CEP78: variants seen among roughly 807,000 people sequenced by gnomAD.
CEP78 encodes centrosomal protein of 78 kDa.
CEP78 carries 76 observed loss-of-function variants against 81.2 expected under a neutral mutation model. That is an observed-to-expected ratio of 0.94 (90% CI 0.78 to 1.13). CEP78 has a LOEUF of 1.13. Ranked by LOEUF, CEP78 falls within the 50% of genes most tolerant of loss-of-function variation. The pLI is 0.00. For missense variants in CEP78, 918 were observed against 846.8 expected (o/e 1.08, Z -1.04); for synonymous variants, 293 against 301.4 (o/e 0.97, Z 0.29).
intron 16 of CEP78, 58 bp from the exon 17 acceptor site, chr9:78,270,783 T>C: frequency 1.5e-6 from 1 of 645,864 alleles, no homozygotes; most frequent in South Asian, 1.8e-5. Context: ...ATTCTGATTA[T>C]AAACTACATG....
intron 8 of CEP78, chr9:78,250,124 A>T: frequency 2.5e-6 from 1 of 394,884 alleles, no homozygotes; most frequent in East Asian, 3.6e-5. Context: ...ATGAGAATAA[A>T]AAACAAAAAT....
chr9:78,266,098 C>T (rs1374312796), intron 15 of CEP78, among the ~76,000 whole-genome samples, 192 bp downstream of exon 15: 2 of 152,094 alleles, frequency 1.3e-5, no homozygotes, highest in East Asian at 3.9e-4. Flanking sequence ...CTGGTCTTGG[C>T]AACTGACGAC....
chr9:78,274,617 A>C lies in CEP78; in HGVS notation c.*3766A>C, dbSNP rs1827764131. The C allele has an allele frequency of 6.6e-6, 1 of 152,208 alleles. No individual in the cohort carries two copies. Among genetic ancestry groups the C allele is most frequent in the South Asian group, 2.1e-4 (1 of 4,832 alleles). 9.4% of individuals were successfully genotyped at this position (152,208 alleles called of 1,614,324 possible). Reference sequence around the variant, plus strand: ...TATTCTCCTGGAAAACCAATAGAACATTCATATAAATGATTCCTATGAAGG... The same window carrying C: ...TATTCTCCTGGAAAACCAATAGAACCTTCATATAAATGATTCCTATGAAGG... On this transcript the variant is annotated 3_prime_UTR_variant, in exon 17 of 17. Transcript: ENST00000643273.
At position 78,272,360 on chromosome 9, in the gene CEP78, A is replaced by G. The variant is rs542482474; in HGVS notation, c.*1509A>G. ...ATGTTTAGATCAAATAAACTGATAA[A>G]GATATTGATAAAGATATGAGACAAA... On this transcript the variant is annotated 3_prime_UTR_variant, in exon 17 of 17. Coordinates refer to ENST00000643273, the MANE Select transcript of CEP78 (RefSeq NM_001330691.3). 1 of 152,350 alleles carries G rather than the reference A, an allele frequency of 6.6e-6. No individual in the cohort carries two copies. Among genetic ancestry groups the G allele is most frequent in the African/African-American group, 2.4e-5 (1 of 41,580 alleles). The allele number at this position is 152,350 out of a possible 1,614,324, so 9.4% of individuals were successfully genotyped here. A position where few individuals can be genotyped will look rare whatever the true frequency, so the allele number is the denominator to read the frequency against.
rs1827713731 is a variant in CEP78, at chr9:78,272,456, A to G, written c.*1605A>G. The G allele has an allele frequency of 6.6e-6, 1 of 152,220 alleles. No homozygotes were observed. Among genetic ancestry groups the G allele is most frequent in the South Asian group, 2.1e-4 (1 of 4,832 alleles). 9.4% of individuals were successfully genotyped at this position (152,220 alleles called of 1,614,324 possible). ...AGGTGCCTGTAGTCAGAAAAAGTCT[A>G]AATAAATACTAATGACATATGAAAA... On this transcript the variant is annotated 3_prime_UTR_variant, in exon 17 of 17. Coordinates refer to ENST00000643273, the MANE Select transcript of CEP78 (RefSeq NM_001330691.3).
chr9:78,263,285 T>A (rs950334238), intron 12 of CEP78, among the ~76,000 whole-genome samples: 1 of 152,168 alleles, frequency 6.6e-6, no homozygotes, highest in Non-Finnish European at 1.5e-5. Flanking sequence ...ATTAGGCTTA[T>A]ACTGTATATA....
Position 78,243,585 on chromosome 9 carries a change from C to G in CEP78, c.727C>G (p.Leu243Val). 6.2e-7 allele frequency: 1 copy of G among 1,613,770 alleles called. No homozygotes were observed. The highest frequency in any genetic ancestry group is 1.6e-4 in the Middle Eastern group (1 of 6,062). Reference sequence around the variant, plus strand: ...GAATTGCAACACACTTATTGGTGACCTAGGTGCATGTGCTTTTGCAGACTC... The same window carrying G: ...GAATTGCAACACACTTATTGGTGACGTAGGTGCATGTGCTTTTGCAGACTC... ...TLNCNTLIGD[L>V]GACAFADSLS... Residue 243 changes from leucine (L) to valine (V), a missense_variant, in exon 5 of 17, where the codon CTA (leucine) becomes GTA (valine). Coordinates refer to ENST00000643273, the MANE Select transcript of CEP78 (RefSeq NM_001330691.3).
At chr9:78,264,746 C>T (rs925091826) in intron 13 of CEP78, among the ~76,000 whole-genome samples, 1 of 150,594 alleles carries the variant, frequency 6.6e-6, no homozygotes, top group African/African-American at 2.4e-5. Flanking sequence ...TGAAAGTATT[C>T]AGGAATGTAT....
In CEP78 at chr9:78,241,651, A is replaced by C. The variant is rs374259731; in HGVS notation, c.500-45A>C. ...AATAAATCAAGACTGACTAGGTTGT[A>C]TATGCTCTTCATCTTATTGTATGTG... is the stretch of plus-strand genomic sequence containing the variant. On this transcript the variant is annotated intron_variant, in intron 3 of 16. Transcript: ENST00000643273. 8.9e-5 allele frequency: 77 copies of C among 861,762 alleles called. No homozygotes were observed. The Admixed American group carries it at 1.7e-3, about 18-fold the overall frequency. 53.4% of individuals were successfully genotyped at this position (861,762 alleles called of 1,614,324 possible).
At chr9:78,250,412 C>T (rs1826700788) in intron 8 of CEP78, 2 of 390,100 alleles carry the variant, frequency 5.1e-6, no homozygotes, top group Admixed American at 8.9e-5. Context: ...TTTCATCTAA[C>T]AAGATAAGTA....
At position 78,240,302 on chromosome 9, in the gene CEP78, A is replaced by C; in HGVS notation, c.437A>C (p.Lys146Thr). 1 of 1,602,434 alleles carries C rather than the reference A, an allele frequency of 6.2e-7. No homozygotes were observed. The highest frequency in any genetic ancestry group is 8.5e-7 in the Non-Finnish European group (1 of 1,173,538). Residue 146 changes from lysine (K) to threonine (T), a missense_variant, in exon 3 of 17, where the codon AAA (lysine) becomes ACA (threonine). Lys to Thr is a moderately conservative substitution (Grantham distance 78, BLOSUM62 -1). Coordinates refer to ENST00000643273, the MANE Select transcript of CEP78 (RefSeq NM_001330691.3). ...TCCCCCTCATTAAAGGGATTGAATAAATCGGCTTCTTTGGTGCACCTGTCT... is the reference window on the plus strand; with the variant it reads ...TCCCCCTCATTAAAGGGATTGAATACATCGGCTTCTTTGGTGCACCTGTCT... ...DLTILAKGLN[K>T]SASLVHLSLA...
In CEP78 at chr9:78,236,134, G is replaced by GGCGGGAGGCAGC. The variant is rs1279171663; in HGVS notation, c.-209_-198dup. The GGCGGGAGGCAGC allele has an allele frequency of 5.5e-6, 3 of 549,446 alleles. No individual in the cohort carries two copies. The highest frequency in any genetic ancestry group is 3.7e-5 in the Admixed American group (1 of 27,236). 34.0% of individuals were successfully genotyped at this position (549,446 alleles called of 1,614,324 possible). ...CGGGCGCCAACTGCTTGGGCCGCAGGGCGGGAGGCAGCGCGGGAGTGGGGC... is the reference window on the plus strand; with the variant it reads ...CGGGCGCCAACTGCTTGGGCCGCAGGGCGGGAGGCAGCGCGGGAGGCAGCGCGGGAGTGGGGC... On this transcript the variant is annotated 5_prime_UTR_variant, in exon 1 of 17. Transcript: ENST00000643273.
rs1244834480 is a variant in CEP78 at position 78,278,060 on chromosome 9, CAT to C, written c.*7212_*7213del. 1 of 152,092 alleles carries C rather than the reference CAT, an allele frequency of 6.6e-6. No individual in the cohort carries two copies. The highest frequency in any genetic ancestry group is 2.4e-5 in the African/African-American group (1 of 41,408). The allele number at this position is 152,092 out of a possible 1,614,324, so 9.4% of individuals were successfully genotyped here. A position where few individuals can be genotyped will look rare whatever the true frequency, so the allele number is the denominator to read the frequency against. On this transcript the variant is annotated 3_prime_UTR_variant, in exon 17 of 17. Transcript: ENST00000643273. ...CCCTAGAAAAGAGTCTGTGATAACA[CAT>C]ATCAAGCTATTGACAGCGGTTTTGT...
At chr9:78,239,763 C>A (rs1051651310) in intron 1 of CEP78, among the ~76,000 whole-genome samples, 2 of 152,168 alleles carry the variant, frequency 1.3e-5, no homozygotes, top group Non-Finnish European at 2.9e-5. Flanking sequence ...CCCACTCTCA[C>A]CCCATGTTGT....
rs755103128 is a variant in CEP78, at chr9:78,243,493, G to A, written c.635G>A (p.Trp212Ter). ...YQTMRRHEET[W>*]AESLRYRRPD... ...ACCATGAGAAGGCATGAAGAAACCT[G>A]GGCTGAGAGTCTTCGCTATAGGAGA... The change falls in exon 5 of 17, where the codon TGG becomes TAG. Residue 212 changes from tryptophan to a stop codon, truncating the protein, a stop_gained. Coordinates refer to ENST00000643273, the MANE Select transcript of CEP78 (RefSeq NM_001330691.3). LOFTEE classifies it high-confidence loss of function. The A allele has an allele frequency of 1.2e-6, 2 of 1,613,374 alleles. No homozygotes were observed. The highest frequency in any genetic ancestry group is 1.7e-6 in the Non-Finnish European group (2 of 1,179,678).
chr9:78,251,713 A>G (rs1435261080), intron 8 of CEP78, among the ~76,000 whole-genome samples, 195 bp from the exon 9 acceptor site: 1 of 151,122 alleles, frequency 6.6e-6, no homozygotes, highest in Non-Finnish European at 1.5e-5. Flanking sequence ...ATATTTAAGT[A>G]TATTAAAAAT....
At chr9:78,253,685 C>G (rs1278393726) in intron 10 of CEP78, 1 of 155,842 alleles carries the variant, frequency 6.4e-6, no homozygotes, top group East Asian at 1.9e-4. Flanking sequence ...GCAACCAGTC[C>G]TAAAGCCTCT....
intron 8 of CEP78, 21 bp from the exon 9 acceptor site, chr9:78,251,887 T>C: frequency 1.9e-6 from 3 of 1,595,302 alleles, no homozygotes; most frequent in Non-Finnish European, 2.6e-6. Context: ...TGATTCTTTC[T>C]TTTTAACACT....
chr9:78,259,597 A>G (rs1419290236), intron 11 of CEP78, among the ~76,000 whole-genome samples: 1 of 152,152 alleles, frequency 6.6e-6, no homozygotes, highest in African/African-American at 2.4e-5. Flanking sequence ...TCGTATGTTT[A>G]TTCATTTTGC....
Sources: gnomAD v4.1 joint callset for allele counts (sites outside exome capture counted in the v4.1 genomes callset) on GRCh38, gnomAD v4.1.1 for gene constraint, MANE v1.5 for transcripts, NCBI Gene and HGNC (gene_info 2026-07-23, HGNC 2026-07-21) for gene names.